XPO7: variants seen among roughly 807,000 people sequenced by gnomAD.
XPO7 encodes exportin-7.
XPO7 carries 21 observed loss-of-function variants against 144.3 expected under a neutral mutation model. That is an observed-to-expected ratio of 0.15 (90% CI 0.10 to 0.21). The LOEUF is 0.21. XPO7 is among the 10% of genes least tolerant of loss of function. XPO7 has a pLI of 1.00. For missense variants in XPO7, 808 were observed against 1,325.8 expected (o/e 0.61, Z 6.06); for synonymous variants, 580 against 499.6 (o/e 1.16, Z -2.15).
chr8:21,923,656 T>C (rs1223437299), intron 1 of XPO7, among the ~76,000 whole-genome samples: 1 of 152,222 alleles, frequency 6.6e-6, no homozygotes, highest in Non-Finnish European at 1.5e-5. Flanking sequence ...GAAGAATCTC[T>C]AATTTAGATG....
intron 1 of XPO7, among the ~76,000 whole-genome samples, chr8:21,946,803 C>G (rs1374230551): frequency 6.6e-6 from 1 of 151,040 alleles, no homozygotes; most frequent in Non-Finnish European, 1.5e-5. Flanking sequence ...AGTAAAGCCA[C>G]AAATAATAAA....
At chr8:21,944,462 G>T (rs1178964587) in intron 1 of XPO7, among the ~76,000 whole-genome samples, 1 of 152,098 alleles carries the variant, frequency 6.6e-6, no homozygotes, top group East Asian at 1.9e-4. Context: ...AGCTACTCGG[G>T]AGGCTGAGAC....
At chr8:21,969,175 ATC>A (rs953747837) in intron 2 of XPO7, among the ~76,000 whole-genome samples, 1 of 152,060 alleles carries the variant, frequency 6.6e-6, no homozygotes, top group Non-Finnish European at 1.5e-5. Context: ...ATTTTTTCTA[ATC>A]TCTATTTTTC....
At chr8:21,985,715 T>G in intron 13 of XPO7, 24 bp downstream of exon 13, 1 of 1,605,144 alleles carries the variant, frequency 6.2e-7, no homozygotes. Context: ...ACAGAAGCTC[T>G]CCACTCTGCC....
intron 27 of XPO7, 21 bp downstream of exon 27, chr8:22,004,051 C>G: frequency 6.2e-7 from 1 of 1,612,016 alleles, no homozygotes. Flanking sequence ...AGCGTCCTGC[C>G]TAGAAATCTC....
In XPO7 at chr8:22,003,781, C is replaced by G. The variant is rs998267572; in HGVS notation, c.3043-122C>G. The G allele has an allele frequency of 3.5e-6, 5 of 1,424,442 alleles. No homozygotes were observed. In the African/African-American group the frequency reaches 4.3e-5, roughly 12 times the overall value. 88.2% of individuals were successfully genotyped at this position (1,424,442 alleles called of 1,614,324 possible). ...TTGCCTGAATTTCTTTTTTAAGGGT[C>G]CAATTTTAGTAGACATTCCATTCCT... On this transcript the variant is annotated intron_variant, in intron 26 of 27. Coordinates refer to ENST00000252512, the MANE Select transcript of XPO7 (RefSeq NM_015024.5).
intron 7 of XPO7, among the ~76,000 whole-genome samples, chr8:21,977,303 G>A (rs59650417): frequency 0.091 from 13,844 of 152,242 alleles, 720 homozygotes; most frequent in Middle Eastern, 0.12. Context: ...AAAAGAGGCC[G>A]GGCGTGGTGG....
At chr8:21,974,298 G>C (rs1355896495) in intron 5 of XPO7, among the ~76,000 whole-genome samples, 1 of 152,028 alleles carries the variant, frequency 6.6e-6, no homozygotes, top group Non-Finnish European at 1.5e-5. Flanking sequence ...CAAAGTTCTA[G>C]AATTACAGAG....
chr8:21,977,731 A>G, intron 7 of XPO7, 39 bp from the exon 8 acceptor site: 1 of 1,599,572 alleles, frequency 6.3e-7, no homozygotes, highest in Non-Finnish European at 8.6e-7. Flanking sequence ...CAATGTTCAT[A>G]CTTAATAAAG....
chr8:21,981,374 G>C (rs186173620), intron 9 of XPO7, among the ~76,000 whole-genome samples: 62 of 152,266 alleles, frequency 4.1e-4, no homozygotes, highest in Admixed American at 3.6e-3. Context: ...GTAACAATAA[G>C]AAAACAAGTC....
chr8:21,990,059 C>A (rs1812717698), intron 16 of XPO7, among the ~76,000 whole-genome samples: 1 of 151,578 alleles, frequency 6.6e-6, no homozygotes, highest in Non-Finnish European at 1.5e-5. Context: ...CCGTGTTAGC[C>A]AGGATGGTCT....
chr8:21,941,903 A>AT (rs958194815), intron 1 of XPO7, among the ~76,000 whole-genome samples: 170 of 151,500 alleles, frequency 1.1e-3, no homozygotes, highest in African/African-American at 4.0e-3. Context: ...TAGGCTGCCA[A>AT]TTTTTTTTTC....
At chr8:21,927,992 C>T (rs189070981) in intron 1 of XPO7, among the ~76,000 whole-genome samples, 93 of 152,234 alleles carry the variant, frequency 6.1e-4, no homozygotes, top group African/African-American at 2.2e-3. Context: ...AAATTTTATT[C>T]GTACAGTAAA....
At chr8:21,977,928 T>C (rs1254621263) in intron 8 of XPO7, 85 bp downstream of exon 8, 1 of 1,223,848 alleles carries the variant, frequency 8.2e-7, no homozygotes, top group African/African-American at 1.5e-5. Context: ...TTTTGTTTTA[T>C]AAAATTATAC....
At chr8:21,969,223 G>A (rs777945066) in intron 2 of XPO7, among the ~76,000 whole-genome samples, 2 of 152,126 alleles carry the variant, frequency 1.3e-5, no homozygotes, top group Non-Finnish European at 2.9e-5. Flanking sequence ...CCCTCAGAGT[G>A]AAGCAGATAC....
chr8:21,966,859 C>G lies in XPO7; in HGVS notation c.21C>G (p.Ser7Arg), dbSNP rs1434233830. MADHVQ[S>R]LAQLENLCKQ... is the part of the protein sequence containing the mutation. ...CTTTCCTGACTGATCTTTTCCAGAG[C>G]CTGGCCCAACTAGAGAATCTGTGCA... is the stretch of plus-strand genomic sequence containing the variant. The change falls in exon 2 of 28, where the codon AGC (serine) becomes AGG (arginine). Residue 7 changes from serine (S) to arginine (R), a missense_variant and splice_region_variant. Ser to Arg is a moderately radical substitution (Grantham distance 110). Around this residue, in one of 5 missense-constraint regions of XPO7, gnomAD observed 223 missense variants for 368.8 expected, o/e 0.60. Coordinates refer to ENST00000252512, the MANE Select transcript of XPO7 (RefSeq NM_015024.5). 1 of 1,611,164 alleles carries G rather than the reference C, an allele frequency of 6.2e-7. No homozygotes were observed. Among genetic ancestry groups the G allele is most frequent in the Admixed American group, 1.7e-5 (1 of 59,818 alleles).
chr8:22,003,710 T>C (rs1398803452), intron 26 of XPO7, among the ~76,000 whole-genome samples, 193 bp from the exon 27 acceptor site: 1 of 152,174 alleles, frequency 6.6e-6, no homozygotes, highest in Non-Finnish European at 1.5e-5. Flanking sequence ...AATTTAAAAA[T>C]TCTTGATATT....
intron 5 of XPO7, among the ~76,000 whole-genome samples, chr8:21,972,863 C>G (rs1318361508): frequency 6.6e-6 from 1 of 152,208 alleles, no homozygotes; most frequent in Non-Finnish European, 1.5e-5. Context: ...AATGTGTTAG[C>G]TTAGAGCCTG....
At chr8:21,958,086 A>G (rs1811599462) in intron 1 of XPO7, among the ~76,000 whole-genome samples, 2 of 152,202 alleles carry the variant, frequency 1.3e-5, no homozygotes, top group Non-Finnish European at 2.9e-5. Flanking sequence ...TTAATATGGA[A>G]ATTACATAGG....
Sources: allele counts gnomAD v4.1 joint callset (sites outside exome capture counted in the v4.1 genomes callset), GRCh38; gene constraint gnomAD v4.1.1; regional missense constraint gnomAD v4.1.1; transcripts MANE v1.5; gene names NCBI Gene and HGNC (gene_info 2026-07-23, HGNC 2026-07-21).